Variants in MSRA observed in about 807,000 individuals in gnomAD.
MSRA encodes the protein mitochondrial peptide methionine sulfoxide reductase.
Under a neutral mutation model 31.3 loss-of-function variants are expected in MSRA, and 54 were observed. The ratio of observed to expected loss-of-function variants is 1.73; its 90% CI spans 1.39 to 2.17. The LOEUF is 2.17. MSRA is among the 30% of genes most tolerant of loss of function. MSRA has a pLI of 0.00. For missense variants in MSRA, 507 were observed against 300.9 expected, an observed-to-expected ratio of 1.69 and a Z score of -5.07; for synonymous variants, 169 against 116.5, an observed-to-expected ratio of 1.45 and a Z score of -2.90.
chr8:10,131,406 G>A (rs535614440), intron 1 of MSRA, among the ~76,000 whole-genome samples: 1 of 152,256 alleles, frequency 6.6e-6, no homozygotes, highest in Admixed American at 6.5e-5. Context: ...TGGGCAGGTA[G>A]CAATTAGCTT....
intron 1 of MSRA, among the ~76,000 whole-genome samples, chr8:10,176,960 G>A (rs920747817): frequency 2.6e-5 from 4 of 152,206 alleles, no homozygotes; most frequent in African/African-American, 9.7e-5. Context: ...GAGACATATT[G>A]ATGGGGGCTG....
intron 3 of MSRA, among the ~76,000 whole-genome samples, chr8:10,281,918 A>C (rs993606911): frequency 3.6e-4 from 55 of 152,178 alleles, no homozygotes; most frequent in African/African-American, 1.3e-3. Flanking sequence ...TTTTAGATAA[A>C]GGGACAAAGA....
chr8:10,242,144 G>A (rs569025933), intron 2 of MSRA, among the ~76,000 whole-genome samples: 8 of 152,110 alleles, frequency 5.3e-5, no homozygotes, highest in East Asian at 1.9e-4. Context: ...GGTAGTACGC[G>A]CTTGTAATCT....
At chr8:10,399,303 T>C (rs1021556416) in intron 5 of MSRA, among the ~76,000 whole-genome samples, 5 of 152,214 alleles carry the variant, frequency 3.3e-5, no homozygotes, top group Non-Finnish European at 5.9e-5. Context: ...ATAGGTGATA[T>C]GGTTTGGATG....
intron 1 of MSRA, among the ~76,000 whole-genome samples, chr8:10,199,017 C>G (rs1050654183): frequency 2.4e-4 from 37 of 152,196 alleles, no homozygotes; most frequent in African/African-American, 8.4e-4. Flanking sequence ...TCTTTTGAGA[C>G]TGAGCATCTA....
chr8:10,147,055 G>A (rs1032877146), intron 1 of MSRA, among the ~76,000 whole-genome samples: 3 of 152,212 alleles, frequency 2.0e-5, no homozygotes, highest in East Asian at 1.9e-4. Flanking sequence ...AGGTACAGAT[G>A]AGTGCCGGTT....
intron 1 of MSRA, among the ~76,000 whole-genome samples, chr8:10,082,843 C>T (rs1798363082): frequency 6.6e-6 from 1 of 152,174 alleles, no homozygotes; most frequent in African/African-American, 2.4e-5. Context: ...CCTGGAGCAC[C>T]CACCAAAGTG....
chr8:10,096,562 T>C (rs1326700049), intron 1 of MSRA, among the ~76,000 whole-genome samples: 1 of 152,214 alleles, frequency 6.6e-6, no homozygotes, highest in African/African-American at 2.4e-5. Context: ...AAATTTCTTA[T>C]TTTTGGTTGA....
At chr8:10,110,504 C>G (rs745439695) in intron 1 of MSRA, among the ~76,000 whole-genome samples, 1 of 152,188 alleles carries the variant, frequency 6.6e-6, no homozygotes, top group Non-Finnish European at 1.5e-5. Context: ...AACAAGACCA[C>G]CGCTTCCTAT....
intron 5 of MSRA, among the ~76,000 whole-genome samples, chr8:10,341,733 T>A (rs977572289): frequency 2.6e-5 from 4 of 152,096 alleles, no homozygotes; most frequent in African/African-American, 9.7e-5. Flanking sequence ...ACCTCGGAGG[T>A]TGATGGTGTG....
intron 2 of MSRA, among the ~76,000 whole-genome samples, chr8:10,239,670 A>G (rs1037656967): frequency 1.3e-5 from 2 of 152,196 alleles, no homozygotes; most frequent in South Asian, 2.1e-4. Context: ...GAGTCTTGCT[A>G]TATTCCCAGA....
At chr8:10,104,887 C>T (rs935170733) in intron 1 of MSRA, among the ~76,000 whole-genome samples, 2 of 152,118 alleles carry the variant, frequency 1.3e-5, no homozygotes, top group Non-Finnish European at 2.9e-5. Flanking sequence ...TTCCAGTACC[C>T]ATTTATATTC....
In MSRA at chr8:10,282,386, G is replaced by C. The variant is rs929211404; in HGVS notation, c.332-19148G>C. On this transcript the variant is annotated intron_variant, in intron 3 of 5. Coordinates refer to ENST00000317173, the MANE Select transcript of MSRA (RefSeq NM_012331.5). Reference sequence around the variant, plus strand: ...ATCGCCCAGAAATATAATTTATACTGACCTCCATAATGGATATCTGCCAAG... The same window carrying C: ...ATCGCCCAGAAATATAATTTATACTCACCTCCATAATGGATATCTGCCAAG... Among the ~76,000 whole-genome samples the C allele has an allele frequency of 4.6e-5, 7 of 152,144 alleles. No individual in the cohort carries two copies. In the South Asian group the frequency reaches 1.5e-3, roughly 32 times the overall value.
intron 5 of MSRA, among the ~76,000 whole-genome samples, chr8:10,378,721 G>C (rs1805888727): frequency 6.6e-6 from 1 of 152,246 alleles, no homozygotes; most frequent in African/African-American, 2.4e-5. Flanking sequence ...TGTTAAAAAT[G>C]CAGATTCTTG....
intron 5 of MSRA, among the ~76,000 whole-genome samples, chr8:10,405,327 C>G (rs1349698298): frequency 1.3e-5 from 2 of 152,160 alleles, no homozygotes; most frequent in South Asian, 2.1e-4. Flanking sequence ...CCTGCCCCTC[C>G]CTCCATGTTT....
intron 1 of MSRA, among the ~76,000 whole-genome samples, chr8:10,097,962 T>C (rs1017977648): frequency 6.6e-5 from 10 of 152,184 alleles, no homozygotes; most frequent in African/African-American, 2.4e-4. Flanking sequence ...TAGCTTAAAA[T>C]GAAAGAAAAT....
chr8:10,389,263 C>T (rs1208369746), intron 5 of MSRA, among the ~76,000 whole-genome samples: 2 of 152,126 alleles, frequency 1.3e-5, no homozygotes, highest in Non-Finnish European at 2.9e-5. Flanking sequence ...GCTTGAGAAC[C>T]ACCGGAGTCA....
At chr8:10,056,324 C>A (rs1364641989) in intron 1 of MSRA, among the ~76,000 whole-genome samples, 3 of 151,760 alleles carry the variant, frequency 2.0e-5, no homozygotes, top group African/African-American at 7.3e-5. Context: ...TCTTCCCAAT[C>A]AGTTTCCTAA....
intron 5 of MSRA, among the ~76,000 whole-genome samples, chr8:10,348,605 T>C (rs1419625122): frequency 6.6e-6 from 1 of 152,106 alleles, no homozygotes; most frequent in Non-Finnish European, 1.5e-5. Flanking sequence ...CTTGACCTCG[T>C]GATCCGCCTG....
Sources: gnomAD v4.1 joint callset for allele counts (sites outside exome capture counted in the v4.1 genomes callset) on GRCh38, gnomAD v4.1.1 for gene constraint, MANE v1.5 for transcripts, NCBI Gene and HGNC (gene_info 2026-07-23, HGNC 2026-07-21) for gene names.